Variants in ERC2 observed in about 807,000 individuals in gnomAD.
The protein encoded by ERC2 is ELKS/RAB6-interacting/CAST family member 2.
In ERC2, 42 loss-of-function variants were observed where a neutral mutation model predicts 114.8. The ratio of observed to expected loss-of-function variants is 0.37; its 90% CI spans 0.29 to 0.47. The LOEUF (loss-of-function observed/expected upper bound fraction) is 0.47. Among genes scored for constraint, ERC2 ranks in the 20% least tolerant of loss-of-function variants. The probability of loss-of-function intolerance (pLI) is 0.99; values close to 1 mark genes in which losing one functional copy is unlikely to be tolerated. For synonymous variants in ERC2, 454 were observed against 425.5 expected (o/e 1.07, Z -0.82); for missense variants, 939 against 1,150.7 (o/e 0.82, Z 2.66).
intron 12 of ERC2, among the ~76,000 whole-genome samples, chr3:55,951,696 C>T (rs563371259): frequency 1.1e-3 from 172 of 152,120 alleles, no homozygotes; most frequent in Non-Finnish European, 1.9e-3. Flanking sequence ...GGGGTCCTTT[C>T]GGATCCCTTT....
intron 14 of ERC2, among the ~76,000 whole-genome samples, chr3:55,738,090 T>C (rs1339991054): frequency 6.6e-6 from 1 of 152,182 alleles, no homozygotes. Context: ...CTCTGTGCCA[T>C]GAGCAATAAA....
At chr3:56,066,473 G>T (rs1274809922) in intron 7 of ERC2, among the ~76,000 whole-genome samples, 1 of 152,118 alleles carries the variant, frequency 6.6e-6, no homozygotes, top group Non-Finnish European at 1.5e-5. Context: ...AAAAGGGGTG[G>T]ATTGCAAAAG....
intron 13 of ERC2, among the ~76,000 whole-genome samples, chr3:55,894,149 A>C (rs572851932): frequency 3.3e-5 from 5 of 152,264 alleles, no homozygotes; most frequent in African/African-American, 1.2e-4. Context: ...CAGGTGGAAA[A>C]ATTGATTTCA....
At chr3:56,162,266 T>G (rs147702538) in intron 4 of ERC2, among the ~76,000 whole-genome samples, 1 of 152,234 alleles carries the variant, frequency 6.6e-6, no homozygotes, top group East Asian at 1.9e-4. Context: ...TGTTTGATGT[T>G]GTTGAATTTG....
At chr3:55,852,656 T>G (rs28698867) in intron 14 of ERC2, 8,260 of 152,816 alleles carry the variant, frequency 0.054, 487 homozygotes, top group African/African-American at 0.14. Flanking sequence ...TTCTTTTGAC[T>G]CCTTCCATTT....
chr3:56,240,815 C>T (rs1413561681), intron 3 of ERC2, among the ~76,000 whole-genome samples: 1 of 152,112 alleles, frequency 6.6e-6, no homozygotes, highest in Admixed American at 6.5e-5. Flanking sequence ...ACTTTACAAA[C>T]AACTTTCTTT....
At chr3:56,345,633 G>A (rs145359235) in intron 2 of ERC2, among the ~76,000 whole-genome samples, 62 of 152,296 alleles carry the variant, frequency 4.1e-4, no homozygotes, top group Middle Eastern at 3.4e-3. Context: ...AGACAACAAT[G>A]ATACCAGTAA....
In ERC2 at chr3:56,121,155, T is replaced by C. The variant is rs77125870; in HGVS notation, c.1473+18354A>G. Reference sequence around the variant, plus strand: ...GTAGAATGGGGATAGTTCTATCTATTTTGCAAGATTGATATAAAAATTTAC... The same window carrying C: ...GTAGAATGGGGATAGTTCTATCTATCTTGCAAGATTGATATAAAAATTTAC... On this transcript the variant is annotated intron_variant, in intron 6 of 17. Coordinates refer to ENST00000288221, the MANE Select transcript of ERC2 (RefSeq NM_015576.3). Among the ~76,000 whole-genome samples, 642 of 152,304 alleles carry C rather than the reference T, an allele frequency of 4.2e-3. 2 individuals are homozygous for C. The highest frequency in any genetic ancestry group is 6.1e-3 in the Non-Finnish European group (417 of 68,024).
chr3:56,416,563 G>A (rs1347096595), intron 2 of ERC2, among the ~76,000 whole-genome samples: 1 of 151,220 alleles, frequency 6.6e-6, no homozygotes, highest in African/African-American at 2.4e-5. Flanking sequence ...ATGATGTTCT[G>A]GCAGAGACCA....
intron 9 of ERC2, among the ~76,000 whole-genome samples, chr3:56,009,725 G>C (rs533742589): frequency 4.2e-4 from 64 of 152,232 alleles, no homozygotes; most frequent in African/African-American, 1.5e-3. Flanking sequence ...CTTCTCCACC[G>C]AACTATCCCC....
chr3:56,195,482 T>C (rs982641642), intron 3 of ERC2, among the ~76,000 whole-genome samples: 1 of 125,850 alleles, frequency 7.9e-6, no homozygotes, highest in Non-Finnish European at 1.7e-5. Context: ...TAGGGATGTG[T>C]TTGTGTGTGC....
intron 14 of ERC2, among the ~76,000 whole-genome samples, chr3:55,797,232 T>G (rs1286816690): frequency 1.3e-5 from 2 of 152,138 alleles, no homozygotes; most frequent in Non-Finnish European, 2.9e-5. Flanking sequence ...TCAAATGAAC[T>G]AAAACAAACA....
chr3:55,804,959 T>G (rs927509917), intron 14 of ERC2, among the ~76,000 whole-genome samples: 1 of 152,050 alleles, frequency 6.6e-6, no homozygotes, highest in African/African-American at 2.4e-5. Flanking sequence ...GAGAGGGCTT[T>G]GTAAACATTA....
intron 15 of ERC2, among the ~76,000 whole-genome samples, chr3:55,713,126 CTGT>C (rs1425498138): frequency 1.2e-3 from 130 of 111,266 alleles, no homozygotes; most frequent in African/African-American, 5.5e-3. Context: ...CTCTCTCTCT[CTGT>C]CTCACACACA....
At chr3:56,198,413 T>C (rs961329233) in intron 3 of ERC2, among the ~76,000 whole-genome samples, 2 of 152,138 alleles carry the variant, frequency 1.3e-5, no homozygotes, top group Non-Finnish European at 2.9e-5. Flanking sequence ...CCTAGGGTTG[T>C]ACTGTGGCTG....
At chr3:55,549,118 A>G (rs1422031746) in intron 17 of ERC2, among the ~76,000 whole-genome samples, 2 of 152,194 alleles carry the variant, frequency 1.3e-5, no homozygotes, top group Non-Finnish European at 2.9e-5. Flanking sequence ...TGTATTAAAC[A>G]GAGAACTGAA....
At chr3:56,062,796 A>T (rs1172226370) in intron 7 of ERC2, among the ~76,000 whole-genome samples, 1 of 151,992 alleles carries the variant, frequency 6.6e-6, no homozygotes, top group African/African-American at 2.4e-5. Context: ...TCTGGTCTCA[A>T]CTCTGACTTG....
intron 12 of ERC2, among the ~76,000 whole-genome samples, chr3:55,961,364 A>C (rs2068349205): frequency 6.6e-6 from 1 of 151,742 alleles, no homozygotes; most frequent in Non-Finnish European, 1.5e-5. Flanking sequence ...TTTTCACCCC[A>C]GTATAAGCAT....
intron 10 of ERC2, among the ~76,000 whole-genome samples, chr3:56,004,202 C>T (rs1202733222): frequency 2.6e-5 from 4 of 151,946 alleles, no homozygotes; most frequent in Admixed American, 1.3e-4. Flanking sequence ...TAAATTTACT[C>T]CCCCATTTTG....
Sources: allele counts gnomAD v4.1 joint callset (sites outside exome capture counted in the v4.1 genomes callset), GRCh38; gene constraint gnomAD v4.1.1; transcripts MANE v1.5; gene names NCBI Gene and HGNC (gene_info 2026-07-23, HGNC 2026-07-21).